Variants in EPHA3 observed in about 807,000 individuals in gnomAD.
The protein encoded by EPHA3 is EPH receptor A3.
In EPHA3, 42 loss-of-function variants were observed where a neutral mutation model predicts 107.1. The ratio of observed to expected loss-of-function variants is 0.39; its 90% CI spans 0.31 to 0.51. EPHA3 has a LOEUF of 0.51. EPHA3 is among the 20% of genes least tolerant of loss of function. The pLI is 0.78. For missense variants in EPHA3, 1,183 were observed against 1,211.2 expected, an observed-to-expected ratio of 0.98 and a Z score of 0.35; for synonymous variants, 461 against 424.8, an observed-to-expected ratio of 1.09 and a Z score of -1.05.
At chr3:89,260,812 C>G (rs1371157162) in intron 3 of EPHA3, among the ~76,000 whole-genome samples, 1 of 152,132 alleles carries the variant, frequency 6.6e-6, no homozygotes, top group South Asian at 2.1e-4. Flanking sequence ...TCAAAATCAC[C>G]CTCTGTGCTG....
intron 5 of EPHA3, 106 bp downstream of exon 5, chr3:89,342,196 C>T: frequency 1.9e-6 from 2 of 1,036,582 alleles, no homozygotes; most frequent in East Asian, 2.6e-5. Context: ...TTTATAGAAC[C>T]CCAGGATTTT....
At chr3:89,184,129 A>G (rs1335697042) in intron 2 of EPHA3, among the ~76,000 whole-genome samples, 4 of 151,992 alleles carry the variant, frequency 2.6e-5, no homozygotes, top group African/African-American at 9.7e-5. Flanking sequence ...AGTTATAGAG[A>G]TCACTGGAAA....
At chr3:89,263,144 C>G (rs1451686649) in intron 3 of EPHA3, among the ~76,000 whole-genome samples, 1 of 151,798 alleles carries the variant, frequency 6.6e-6, no homozygotes, top group Non-Finnish European at 1.5e-5. Flanking sequence ...CTGACAGGCC[C>G]CATGCGTGAT....
At chr3:89,334,224 T>C (rs185669388) in intron 3 of EPHA3, among the ~76,000 whole-genome samples, 47 of 152,342 alleles carry the variant, frequency 3.1e-4, no homozygotes, top group Admixed American at 2.0e-3. Context: ...CATTTGACTA[T>C]AAAACCAATA....
intron 2 of EPHA3, among the ~76,000 whole-genome samples, chr3:89,200,466 T>G (rs1705943750): frequency 6.6e-6 from 1 of 152,218 alleles, no homozygotes; most frequent in Admixed American, 6.5e-5. Context: ...AGAAGTCATC[T>G]TAAGAAGTCT....
At chr3:89,314,819 G>A (rs1278858850) in intron 3 of EPHA3, among the ~76,000 whole-genome samples, 2 of 151,946 alleles carry the variant, frequency 1.3e-5, no homozygotes, top group African/African-American at 2.4e-5. Context: ...AAATATATAT[G>A]CAGTTATGCG....
At position 89,252,032 on chromosome 3, in the gene EPHA3, C is replaced by T. The variant is rs555834726; in HGVS notation, c.814+41512C>T. ...GAAATAAAATTATGAATTATTACTA[C>T]GAGTCTTAGTTTCTATAGATCTTCT... On this transcript the variant is annotated intron_variant, in intron 3 of 16. Transcript: ENST00000336596. Among the ~76,000 whole-genome samples the T allele has an allele frequency of 7.2e-5, 11 of 152,078 alleles. No homozygotes were observed. In the East Asian group the frequency reaches 9.7e-4, roughly 13 times the overall value.
chr3:89,188,129 T>C (rs1282510724), intron 2 of EPHA3, among the ~76,000 whole-genome samples: 1 of 152,184 alleles, frequency 6.6e-6, no homozygotes, highest in East Asian at 1.9e-4. Flanking sequence ...ATGATGACAA[T>C]AAATGGATAC....
intron 2 of EPHA3, among the ~76,000 whole-genome samples, chr3:89,208,024 G>A (rs575092780): frequency 2.6e-5 from 4 of 152,192 alleles, no homozygotes; most frequent in Non-Finnish European, 5.9e-5. Flanking sequence ...GATTGTCAGG[G>A]TTATGGAAGG....
In EPHA3 at chr3:89,407,370, A is replaced by C; in HGVS notation, c.1696A>C (p.Arg566=). 1.2e-6 allele frequency: 2 copies of C among 1,611,806 alleles called. No homozygotes were observed. Among genetic ancestry groups the C allele is most frequent in the Non-Finnish European group, 1.7e-6 (2 of 1,178,172 alleles). ...TGTTGTCATCTATGTTTTGATTGGG[A>C]GGTGAGTTCACAGTCTGTTTCACTA... ...LTVVIYVLIG[R]FCGYKSKHGA... Residue 566 remains arginine (R), a splice_region_variant and synonymous_variant, in exon 8 of 17, where the codon AGG becomes CGG. Coordinates refer to ENST00000336596, the MANE Select transcript of EPHA3 (RefSeq NM_005233.6).
chr3:89,245,686 C>G (rs960000396), intron 3 of EPHA3, among the ~76,000 whole-genome samples: 23 of 152,294 alleles, frequency 1.5e-4, no homozygotes, highest in Admixed American at 1.1e-3. Context: ...CGAATTAAAT[C>G]TGATGTTTCA....
chr3:89,399,607 A>G (rs1708917190), intron 7 of EPHA3, 127 bp downstream of exon 7: 4 of 1,413,320 alleles, frequency 2.8e-6, no homozygotes, highest in African/African-American at 1.4e-5. Flanking sequence ...TGCTTGGGAC[A>G]TTGCAATTTG....
intron 3 of EPHA3, among the ~76,000 whole-genome samples, chr3:89,249,517 G>A (rs1401917763): frequency 6.6e-6 from 1 of 152,130 alleles, no homozygotes; most frequent in African/African-American, 2.4e-5. Flanking sequence ...CTTGAATGCA[G>A]TGGCACAATC....
chr3:89,207,378 T>A (rs1706129764), intron 2 of EPHA3, among the ~76,000 whole-genome samples: 2 of 152,204 alleles, frequency 1.3e-5, no homozygotes, highest in South Asian at 2.1e-4. Flanking sequence ...AACTGTTGTG[T>A]ACTATGCTCA....
chr3:89,372,446 T>C (rs1310445782), intron 5 of EPHA3, among the ~76,000 whole-genome samples: 4 of 151,588 alleles, frequency 2.6e-5, no homozygotes, highest in Admixed American at 6.6e-5. Context: ...TAGCACAGAC[T>C]TTTTATTCCT....
intron 2 of EPHA3, among the ~76,000 whole-genome samples, chr3:89,194,535 A>G (rs369302498): frequency 6.6e-6 from 1 of 152,152 alleles, no homozygotes; most frequent in East Asian, 1.9e-4. Context: ...AAGTTCTCCA[A>G]TCTCCTATAG....
intron 3 of EPHA3, among the ~76,000 whole-genome samples, chr3:89,288,574 C>A (rs1366648303): frequency 6.6e-6 from 1 of 152,086 alleles, no homozygotes; most frequent in Non-Finnish European, 1.5e-5. Flanking sequence ...CCGACTTGAA[C>A]CAATACTTCT....
At chr3:89,233,083 A>T (rs1203248177) in intron 3 of EPHA3, among the ~76,000 whole-genome samples, 2 of 152,160 alleles carry the variant, frequency 1.3e-5, no homozygotes, top group African/African-American at 4.8e-5. Context: ...CTAAATACTT[A>T]CGTTACAAGG....
chr3:89,208,540 AAAAG>A (rs1280857399), intron 2 of EPHA3, among the ~76,000 whole-genome samples: 2 of 149,718 alleles, frequency 1.3e-5, no homozygotes, highest in East Asian at 2.0e-4. Context: ...AAGAAAGAAA[AAAAG>A]AAAGAGAAAG....
Sources: allele counts gnomAD v4.1 joint callset (sites outside exome capture counted in the v4.1 genomes callset), GRCh38; gene constraint gnomAD v4.1.1; transcripts MANE v1.5; gene names NCBI Gene and HGNC (gene_info 2026-07-23, HGNC 2026-07-21).